Variants in CAB39L observed in about 807,000 individuals in gnomAD.
CAB39L encodes calcium binding protein 39 like.
A neutral mutation model predicts 39.1 loss-of-function variants in CAB39L; 23 were observed. The observed-to-expected ratio is 0.59, with a 90% CI of 0.42 to 0.83. The LOEUF is 0.83. Among genes scored for constraint, CAB39L ranks in the 40% least tolerant of loss-of-function variants. The pLI is 0.00. For missense variants in CAB39L, 366 were observed against 391.9 expected (o/e 0.93, Z 0.56); for synonymous variants, 126 against 137.2 (o/e 0.92, Z 0.57).
intron 3 of CAB39L, among the ~76,000 whole-genome samples, chr13:49,390,202 A>C (rs147885898): frequency 7.9e-5 from 12 of 152,152 alleles, no homozygotes; most frequent in African/African-American, 2.9e-4. Flanking sequence ...TAGCTTTTTA[A>C]CTTTCTTATT....
chr13:49,357,575 T>C (rs1955522241), intron 6 of CAB39L, among the ~76,000 whole-genome samples: 1 of 152,266 alleles, frequency 6.6e-6, no homozygotes, highest in Non-Finnish European at 1.5e-5. Context: ...TTTTCTGTTC[T>C]ACATTTCTAA....
chr13:49,374,360 G>A (rs953107352), intron 5 of CAB39L, among the ~76,000 whole-genome samples: 1 of 152,040 alleles, frequency 6.6e-6, no homozygotes, highest in Non-Finnish European at 1.5e-5. Context: ...TAATCCACAA[G>A]AGTAATCAAT....
At chr13:49,372,925 G>C (rs1259847569) in intron 5 of CAB39L, among the ~76,000 whole-genome samples, 1 of 152,052 alleles carries the variant, frequency 6.6e-6, no homozygotes, top group African/African-American at 2.4e-5. Context: ...CGCCCGCCTC[G>C]GCCTCCCAAA....
chr13:49,350,571 A>G (rs1402900256), intron 7 of CAB39L, among the ~76,000 whole-genome samples, 173 bp downstream of exon 7: 3 of 152,230 alleles, frequency 2.0e-5, no homozygotes, highest in Non-Finnish European at 2.9e-5. Flanking sequence ...AATAGGACAG[A>G]CTGGCCTCAT....
intron 9 of CAB39L, among the ~76,000 whole-genome samples, chr13:49,336,867 G>A (rs1405388870): frequency 6.6e-6 from 1 of 152,212 alleles, no homozygotes; most frequent in Non-Finnish European, 1.5e-5. Context: ...CAAGCTTTCT[G>A]GACATGGGAG....
intron 3 of CAB39L, among the ~76,000 whole-genome samples, chr13:49,383,291 G>A (rs1956286603): frequency 6.6e-6 from 1 of 151,860 alleles, no homozygotes; most frequent in Non-Finnish European, 1.5e-5. Context: ...ATAATGTTTA[G>A]CTATATGTAT....
At chr13:49,394,582 G>A (rs1342593279) in intron 3 of CAB39L, among the ~76,000 whole-genome samples, 1 of 152,004 alleles carries the variant, frequency 6.6e-6, no homozygotes, top group African/African-American at 2.4e-5. Flanking sequence ...ATGCAAAAAT[G>A]TTTACTGCAA....
At chr13:49,314,405 G>A (rs556490746) in intron 10 of CAB39L, among the ~76,000 whole-genome samples, 10 of 152,120 alleles carry the variant, frequency 6.6e-5, no homozygotes, top group African/African-American at 9.7e-5. Context: ...GTGGGGAGTC[G>A]TGCTTGCTGG....
At chr13:49,366,303 A>G (rs1325299063) in intron 5 of CAB39L, among the ~76,000 whole-genome samples, 1 of 152,154 alleles carries the variant, frequency 6.6e-6, no homozygotes, top group African/African-American at 2.4e-5. Flanking sequence ...GTTATTACAC[A>G]TTACATGCCT....
chr13:49,356,024 C>T (rs1413989457), intron 6 of CAB39L, among the ~76,000 whole-genome samples: 2 of 152,036 alleles, frequency 1.3e-5, no homozygotes, highest in South Asian at 2.1e-4. Context: ...AAAGGAATGA[C>T]AGAATTCAAA....
Position 49,309,138 on chromosome 13 carries a change from G to A in CAB39L, c.*1676C>T, listed in dbSNP as rs956901930. 2.0e-5 allele frequency: 3 copies of A among 152,208 alleles called. No homozygotes were observed. Among genetic ancestry groups the A allele is most frequent in the Non-Finnish European group, 4.4e-5 (3 of 68,038 alleles). The allele number at this position is 152,208 out of a possible 1,614,324, so 9.4% of individuals were successfully genotyped here. A position where few individuals can be genotyped will look rare whatever the true frequency, so the allele number is the denominator to read the frequency against. On this transcript the variant is annotated 3_prime_UTR_variant, in exon 11 of 11. Transcript: ENST00000409308. ...TTCGAAGGGACTCTGAACTGTCAGG[G>A]AACGTTATAAAAATAATCTGACGTC...
intron 10 of CAB39L, among the ~76,000 whole-genome samples, chr13:49,331,527 A>G (rs1371109433): frequency 1.3e-5 from 2 of 152,100 alleles, no homozygotes; most frequent in African/African-American, 2.4e-5. Context: ...TTCTATCATA[A>G]CAAAATACAT....
At chr13:49,413,201 G>A (rs1211169287) in intron 3 of CAB39L, among the ~76,000 whole-genome samples, 2 of 152,090 alleles carry the variant, frequency 1.3e-5, no homozygotes, top group East Asian at 1.9e-4. Flanking sequence ...ACAAAAGGAA[G>A]AAGAAATATG....
intron 3 of CAB39L, among the ~76,000 whole-genome samples, chr13:49,408,480 G>A (rs768772018): frequency 2.5e-4 from 38 of 152,158 alleles, no homozygotes; most frequent in Non-Finnish European, 1.3e-4. Flanking sequence ...TGCAGTACGA[G>A]AGAGACCAAA....
chr13:49,327,839 T>A (rs1345352296), intron 10 of CAB39L, among the ~76,000 whole-genome samples: 1 of 152,204 alleles, frequency 6.6e-6, no homozygotes, highest in African/African-American at 2.4e-5. Flanking sequence ...CTGGTGCCCA[T>A]GTATGGCTTT....
intron 3 of CAB39L, among the ~76,000 whole-genome samples, chr13:49,400,767 CAGAA>C (rs67233233): frequency 0.24 from 36,446 of 151,142 alleles, 4,487 homozygotes; most frequent in Middle Eastern, 0.32. Context: ...TAACAATAGA[CAGAA>C]AGAGATAACT....
chr13:49,361,971 A>C (rs1448680881), intron 5 of CAB39L, among the ~76,000 whole-genome samples: 1 of 151,990 alleles, frequency 6.6e-6, no homozygotes. Flanking sequence ...TCCAATTTTC[A>C]CAACAACCTT....
chr13:49,377,218 C>G, intron 4 of CAB39L, 87 bp from the exon 5 acceptor site: 1 of 1,086,028 alleles, frequency 9.2e-7, no homozygotes. Flanking sequence ...AAAACCACTT[C>G]TTGGTCTTGG....
At position 49,377,036 on chromosome 13, in the gene CAB39L, T is replaced by A. The variant is rs778719596; in HGVS notation, c.207A>T (p.Leu69=). The A allele has an allele frequency of 1.2e-6, 2 of 1,613,892 alleles. No individual in the cohort carries two copies. The highest frequency in any genetic ancestry group is 2.2e-5 in the South Asian group (2 of 91,060). ...GGCCACTGCTGTAGAGTTCTTGTGC[T>A]AGCTGAGCCACTGCTTCTGTTGGGG... ...KEPPTEAVAQ[L]AQELYSSGLL... The change falls in exon 5 of 11, where the codon CTA becomes CTT. Residue 69 remains leucine (L), a synonymous_variant. Transcript: ENST00000409308.
Sources: allele counts gnomAD v4.1 joint callset (sites outside exome capture counted in the v4.1 genomes callset), GRCh38; gene constraint gnomAD v4.1.1; transcripts MANE v1.5; gene names NCBI Gene and HGNC (gene_info 2026-07-23, HGNC 2026-07-21).